CCSER1: variants seen among roughly 807,000 people sequenced by gnomAD.
CCSER1 encodes the protein coiled-coil serine rich protein 1, also known as serine-rich coiled-coil domain-containing protein 1.
Under a neutral mutation model 82.0 loss-of-function variants are expected in CCSER1, and 41 were observed. That is an observed-to-expected ratio of 0.50 (90% CI 0.39 to 0.65). CCSER1 has a LOEUF of 0.65. CCSER1 is among the 30% of genes least tolerant of loss of function. CCSER1 has a pLI of 0.00. For missense variants in CCSER1, 1,119 were observed against 1,064.2 expected (o/e 1.05, Z -0.72); for synonymous variants, 414 against 383.9 (o/e 1.08, Z -0.92).
At chr4:90,222,395 T>C (rs1172901481) in intron 1 of CCSER1, among the ~76,000 whole-genome samples, 2 of 152,196 alleles carry the variant, frequency 1.3e-5, no homozygotes, top group Non-Finnish European at 2.9e-5. Flanking sequence ...TTGTTGTTAG[T>C]AGGAGTTATG....
intron 5 of CCSER1, among the ~76,000 whole-genome samples, chr4:90,554,329 A>C (rs1408838979): frequency 6.6e-6 from 1 of 152,132 alleles, no homozygotes; most frequent in Admixed American, 6.6e-5. Flanking sequence ...TTACCACTGC[A>C]CTCCAGTCCA....
At chr4:90,566,241 T>C (rs540440783) in intron 5 of CCSER1, among the ~76,000 whole-genome samples, 15 of 152,242 alleles carry the variant, frequency 9.9e-5, no homozygotes, top group South Asian at 4.1e-4. Flanking sequence ...ATCAGAGATA[T>C]TGGTCTGTAG....
intron 10 of CCSER1, among the ~76,000 whole-genome samples, chr4:91,546,985 T>C (rs906393768): frequency 4.0e-5 from 6 of 151,374 alleles, no homozygotes; most frequent in Non-Finnish European, 8.8e-5. Flanking sequence ...TTTTTTTTTT[T>C]TTCACCCATG....
At chr4:91,257,430 CTG>C (rs1272887092) in intron 10 of CCSER1, among the ~76,000 whole-genome samples, 1 of 151,460 alleles carries the variant, frequency 6.6e-6, no homozygotes, top group Non-Finnish European at 1.5e-5. Context: ...CTTGCGTACT[CTG>C]TTTAAATTAT....
chr4:90,222,119 T>C (rs1742263200), intron 1 of CCSER1, among the ~76,000 whole-genome samples: 1 of 152,114 alleles, frequency 6.6e-6, no homozygotes, highest in East Asian at 1.9e-4. Context: ...GGGATATTCA[T>C]GAGACATAAT....
chr4:90,455,252 G>A (rs1203858395), intron 4 of CCSER1, among the ~76,000 whole-genome samples: 1 of 152,192 alleles, frequency 6.6e-6, no homozygotes, highest in African/African-American at 2.4e-5. Context: ...CCATGCTTCT[G>A]CCTGCAGAAC....
At chr4:90,228,618 G>A (rs182692039) in intron 1 of CCSER1, among the ~76,000 whole-genome samples, 114 of 152,246 alleles carry the variant, frequency 7.5e-4, no homozygotes, top group African/African-American at 2.4e-3. Flanking sequence ...AAAGCTGGAC[G>A]GAGAATGACT....
chr4:90,225,004 C>G (rs1170617594), intron 1 of CCSER1, among the ~76,000 whole-genome samples: 1 of 151,966 alleles, frequency 6.6e-6, no homozygotes, highest in African/African-American at 2.4e-5. Context: ...TAAGATCCTG[C>G]AAAATTTGGT....
At chr4:91,194,683 C>T (rs533897718) in intron 10 of CCSER1, among the ~76,000 whole-genome samples, 1 of 152,226 alleles carries the variant, frequency 6.6e-6, no homozygotes, top group Admixed American at 6.5e-5. Context: ...AACACACACA[C>T]ACACACACAC....
chr4:90,386,154 A>G (rs776708861), intron 3 of CCSER1, among the ~76,000 whole-genome samples: 6 of 152,204 alleles, frequency 3.9e-5, no homozygotes, highest in African/African-American at 4.8e-5. Flanking sequence ...ATTAGAAAAA[A>G]CAATCCTAAA....
intron 9 of CCSER1, among the ~76,000 whole-genome samples, chr4:90,962,155 G>T (rs1447256463): frequency 6.6e-6 from 1 of 151,904 alleles, no homozygotes; most frequent in East Asian, 1.9e-4. Context: ...GTGGATCCAA[G>T]AATAAGACTC....
intron 10 of CCSER1, among the ~76,000 whole-genome samples, chr4:91,377,608 C>T (rs59752128): frequency 6.6e-6 from 1 of 151,952 alleles, no homozygotes; most frequent in South Asian, 2.1e-4. Context: ...TTGTTTTTTT[C>T]TTGTAAATTT....
At chr4:91,380,595 C>G (rs953022308) in intron 10 of CCSER1, among the ~76,000 whole-genome samples, 1 of 152,078 alleles carries the variant, frequency 6.6e-6, no homozygotes, top group Non-Finnish European at 1.5e-5. Context: ...TTTCCGTTTG[C>G]TTGGTACATC....
At chr4:91,520,284 C>T (rs558608136) in intron 10 of CCSER1, among the ~76,000 whole-genome samples, 2 of 147,068 alleles carry the variant, frequency 1.4e-5, no homozygotes, top group African/African-American at 5.0e-5. Flanking sequence ...AAATTAACTT[C>T]AATAGTATAC....
chr4:90,436,776 T>C (rs986926092), intron 4 of CCSER1, among the ~76,000 whole-genome samples: 1 of 152,048 alleles, frequency 6.6e-6, no homozygotes, highest in Admixed American at 6.6e-5. Context: ...ATATGTATTA[T>C]ATTAGCATTT....
intron 10 of CCSER1, among the ~76,000 whole-genome samples, chr4:91,245,650 G>T (rs1005965476): frequency 1.3e-5 from 2 of 152,134 alleles, no homozygotes; most frequent in African/African-American, 4.8e-5. Context: ...GCTAAAGGGA[G>T]TATTTCAATC....
intron 10 of CCSER1, among the ~76,000 whole-genome samples, chr4:91,150,118 A>G (rs1730006709): frequency 6.6e-6 from 1 of 152,202 alleles, no homozygotes; most frequent in Non-Finnish European, 1.5e-5. Flanking sequence ...TGAGCATGGA[A>G]TGTTCCTCCA....
In CCSER1 at chr4:90,597,432, GT is replaced by G. The variant is rs546029046; in HGVS notation, c.1725-30588del. Among the ~76,000 whole-genome samples the G allele has an allele frequency of 7.2e-5, 11 of 152,076 alleles. No individual in the cohort carries two copies. The South Asian group carries it at 2.1e-3, about 29-fold the overall frequency. ...GTGATTGGCATACAATAAACTGCATGTTTTTAAAATATACTATTTAAGTTTT... is the reference window on the plus strand; with the variant it reads ...GTGATTGGCATACAATAAACTGCATGTTTTAAAATATACTATTTAAGTTTT... On this transcript the variant is annotated intron_variant, in intron 5 of 10. Transcript: ENST00000509176.
At chr4:90,455,767 A>G (rs1762083892) in intron 4 of CCSER1, among the ~76,000 whole-genome samples, 1 of 152,122 alleles carries the variant, frequency 6.6e-6, no homozygotes, top group Non-Finnish European at 1.5e-5. Flanking sequence ...TAACCTTTAA[A>G]TTCCCTAGAC....
Sources: allele counts gnomAD v4.1 joint callset (sites outside exome capture counted in the v4.1 genomes callset), GRCh38; gene constraint gnomAD v4.1.1; transcripts MANE v1.5; gene names NCBI Gene and HGNC (gene_info 2026-07-23, HGNC 2026-07-21).